The following ZSCAN25 variants were observed in gnomAD, a reference collection of about 807,000 sequenced individuals.
ZSCAN25 encodes the protein zinc finger and SCAN domain containing 25, also known as zinc finger and SCAN domain-containing protein 25.
ZSCAN25 carries 27 observed loss-of-function variants against 38.7 expected under a neutral mutation model. The ratio of observed to expected loss-of-function variants is 0.70; its 90% CI spans 0.51 to 0.96. The LOEUF (loss-of-function observed/expected upper bound fraction) is 0.96. ZSCAN25 is among the 40% of genes least tolerant of loss of function. ZSCAN25 has a pLI of 0.00. For synonymous variants in ZSCAN25, 273 were observed against 277.7 expected (o/e 0.98, Z 0.17); for missense variants, 637 against 705.9 (o/e 0.90, Z 1.11).
At chr7:99,714,753 A>T in the ZSCAN25 span, 1 of 1,583,396 alleles carries the variant, frequency 6.3e-7, no homozygotes, top group African/African-American at 1.4e-5. Flanking sequence ...AGCAATTCTA[A>T]TTTTCTCTAC....
At chr7:99,682,125 T>G in the ZSCAN25 span, among the ~76,000 whole-genome samples, 1 of 152,146 alleles carries the variant, frequency 6.6e-6, no homozygotes, top group Non-Finnish European at 1.5e-5. Flanking sequence ...CGCACCAGCA[T>G]GTCCAGCTAA....
the ZSCAN25 span, chr7:99,731,205 G>A: frequency 6.2e-7 from 1 of 1,605,298 alleles, no homozygotes; most frequent in Non-Finnish European, 8.5e-7. Flanking sequence ...TATAGATATA[G>A]GGGCTGGTGA....
In ZSCAN25 at chr7:99,631,103, G is replaced by A. The variant is rs756079898; in HGVS notation, c.*1083G>A. The A allele has an allele frequency of 1.3e-5, 13 of 985,278 alleles. No individual in the cohort carries two copies. The highest frequency in any genetic ancestry group is 5.2e-4 in the Middle Eastern group (1 of 1,936). The allele number at this position is 985,278 out of a possible 1,614,324, so 61.0% of individuals were successfully genotyped here. On this transcript the variant is annotated 3_prime_UTR_variant, in exon 8 of 8. Transcript: ENST00000394152. ...GTTGACCTCGTAGAGCTTATGTCTC[G>A]TGGATGTACCTGATCTTCAGAACCC...
At chr7:99,710,876 C>A in the ZSCAN25 span, 113 of 1,613,582 alleles carry the variant, frequency 7.0e-5, no homozygotes, top group Non-Finnish European at 9.2e-5. Flanking sequence ...GGGCCATGAG[C>A]TCCAGATCAG....
At chr7:99,735,061 G>T in the ZSCAN25 span, 2 of 1,614,116 alleles carry the variant, frequency 1.2e-6, no homozygotes, top group Non-Finnish European at 1.7e-6. Flanking sequence ...GGAGAAGCCA[G>T]GTTTCCACGG....
At chr7:99,680,612 G>A in the ZSCAN25 span, among the ~76,000 whole-genome samples, 1 of 152,132 alleles carries the variant, frequency 6.6e-6, no homozygotes, top group Non-Finnish European at 1.5e-5. Flanking sequence ...TACACATGGT[G>A]GGTAACCAGG....
the ZSCAN25 span, among the ~76,000 whole-genome samples, chr7:99,727,814 T>G: frequency 6.6e-6 from 1 of 152,186 alleles, no homozygotes; most frequent in Non-Finnish European, 1.5e-5. Flanking sequence ...ATACTGACTC[T>G]AAATGCTGTC....
the ZSCAN25 span, among the ~76,000 whole-genome samples, chr7:99,651,478 G>A: frequency 3.9e-5 from 6 of 152,068 alleles, no homozygotes; most frequent in African/African-American, 1.4e-4. Context: ...TGGAAGTGCT[G>A]AGCTTGCAGG....
At chr7:99,634,839 G>A (rs1416970652), downstream of ZSCAN25, among the ~76,000 whole-genome samples, 1 of 152,000 alleles carries the variant, frequency 6.6e-6, no homozygotes, top group African/African-American at 2.4e-5. Context: ...GGTGGCAGGC[G>A]CCTGAGGCAG....
At chr7:99,669,999 A>G in the ZSCAN25 span, among the ~76,000 whole-genome samples, 238 of 152,342 alleles carry the variant, frequency 1.6e-3, no homozygotes, top group African/African-American at 5.4e-3. Flanking sequence ...AGATAACGTC[A>G]TGCAAATTGT....
At chr7:99,717,148 C>G in the ZSCAN25 span, 2 of 1,613,366 alleles carry the variant, frequency 1.2e-6, no homozygotes, top group Non-Finnish European at 1.7e-6. Context: ...CATGACAGCT[C>G]AGAACCCCAT....
At chr7:99,665,247 TGA>T in the ZSCAN25 span, 13 of 1,614,102 alleles carry the variant, frequency 8.1e-6, no homozygotes, top group East Asian at 4.5e-5. Context: ...TGTGGATTGT[TGA>T]GAGAGTCGAT....
chr7:99,646,282 A>G, the ZSCAN25 span, among the ~76,000 whole-genome samples: 3 of 152,022 alleles, frequency 2.0e-5, no homozygotes, highest in Admixed American at 6.6e-5. Flanking sequence ...GTCCTCTTCA[A>G]TTTCTTTCAT....
chr7:99,735,778 C>G, the ZSCAN25 span, among the ~76,000 whole-genome samples: 1 of 152,208 alleles, frequency 6.6e-6, no homozygotes, highest in African/African-American at 2.4e-5. Flanking sequence ...GAGGTGAGCT[C>G]CTCAAGGGCA....
At chr7:99,617,329 C>G (rs1415669505) in intron 1 of ZSCAN25, among the ~76,000 whole-genome samples, 1 of 152,236 alleles carries the variant, frequency 6.6e-6, no homozygotes, top group Admixed American at 6.5e-5. Flanking sequence ...CAAAGCAGAA[C>G]TCTGTGCAAA....
chr7:99,704,685 T>G, the ZSCAN25 span, among the ~76,000 whole-genome samples: 1 of 151,660 alleles, frequency 6.6e-6, no homozygotes, highest in Non-Finnish European at 1.5e-5. Flanking sequence ...CAAATTGGGC[T>G]GGGCACCGTG....
In ZSCAN25 at chr7:99,619,799, G is replaced by A; in HGVS notation, c.193G>A (p.Glu65Lys). Residue 65 changes from glutamate (E) to lysine (K), a missense_variant, in exon 4 of 8, where the codon GAG becomes AAG. By Grantham distance (56) the Glu-to-Lys change is moderately conservative (BLOSUM62 1). Coordinates refer to ENST00000394152, the MANE Select transcript of ZSCAN25 (RefSeq NM_145115.3). The stretch of plus-strand genomic sequence containing the variant: ...CCAGGAAGCTCTTAGGGAGCTCCAG[G>A]AGCTCTGTCGTCGGTGGCTGAGGCC... Reference protein sequence around the residue: ...GPQEALRELQELCRRWLRPEL... With the variant: ...GPQEALRELQKLCRRWLRPEL... 1.2e-6 allele frequency: 2 copies of A among 1,614,244 alleles called. No homozygotes were observed. Among genetic ancestry groups the A allele is most frequent in the Non-Finnish European group, 1.7e-6 (2 of 1,180,044 alleles).
At chr7:99,667,773 G>A in the ZSCAN25 span, among the ~76,000 whole-genome samples, 1 of 152,064 alleles carries the variant, frequency 6.6e-6, no homozygotes, top group Non-Finnish European at 1.5e-5. Context: ...AATAAACTAG[G>A]AAGAGAGAGA....
chr7:99,693,103 T>C, the ZSCAN25 span, among the ~76,000 whole-genome samples: 3 of 152,214 alleles, frequency 2.0e-5, no homozygotes, highest in African/African-American at 7.2e-5. Context: ...TTTTTGTTGA[T>C]GTTGATGCTA....
Sources: allele counts gnomAD v4.1 joint callset (sites outside exome capture counted in the v4.1 genomes callset), GRCh38; gene constraint gnomAD v4.1.1; transcripts MANE v1.5; gene names NCBI Gene and HGNC (gene_info 2026-07-23, HGNC 2026-07-21).